The following CA10 variants were observed in gnomAD, a reference collection of about 807,000 sequenced individuals.
The protein encoded by CA10 is carbonic anhydrase-related protein 10.
Under a neutral mutation model 44.2 loss-of-function variants are expected in CA10, and 14 were observed. That is an observed-to-expected ratio of 0.32 (90% CI 0.21 to 0.50). CA10 has a LOEUF of 0.50. CA10 is among the 20% of genes least tolerant of loss of function. CA10 has a pLI of 0.99. For synonymous variants in CA10, 159 were observed against 141.6 expected, an observed-to-expected ratio of 1.12 and a Z score of -0.87; for missense variants, 350 against 409.7, an observed-to-expected ratio of 0.85 and a Z score of 1.26.
intron 4 of CA10, among the ~76,000 whole-genome samples, chr17:51,689,789 A>G (rs1349672752): frequency 6.6e-6 from 1 of 151,974 alleles, no homozygotes; most frequent in African/African-American, 2.4e-5. Flanking sequence ...AAATTTATTT[A>G]TATTTTTAAC....
chr17:51,887,288 G>A (rs1318627836), intron 3 of CA10, among the ~76,000 whole-genome samples: 3 of 152,088 alleles, frequency 2.0e-5, no homozygotes, highest in Non-Finnish European at 1.5e-5. Flanking sequence ...GAATAGACAC[G>A]CAGAAAGAAG....
chr17:51,726,979 G>A (rs1916545957), intron 4 of CA10, among the ~76,000 whole-genome samples: 1 of 152,216 alleles, frequency 6.6e-6, no homozygotes, highest in Non-Finnish European at 1.5e-5. Flanking sequence ...TTCCCTGTTT[G>A]TTGTAGGCAG....
chr17:51,870,558 A>C (rs1400006629), intron 3 of CA10, among the ~76,000 whole-genome samples: 2 of 152,258 alleles, frequency 1.3e-5, no homozygotes, highest in African/African-American at 4.8e-5. Flanking sequence ...CTGTTCTTTC[A>C]GGCATGGAAT....
intron 4 of CA10, among the ~76,000 whole-genome samples, chr17:51,668,455 C>T (rs1250751547): frequency 1.3e-5 from 2 of 152,212 alleles, no homozygotes; most frequent in Non-Finnish European, 2.9e-5. Flanking sequence ...GTCTTTCAGA[C>T]AGGAGGAGCT....
intron 3 of CA10, among the ~76,000 whole-genome samples, chr17:51,915,238 A>G (rs889331291): frequency 2.0e-5 from 3 of 152,196 alleles, no homozygotes; most frequent in African/African-American, 7.2e-5. Context: ...TACACCATCC[A>G]CGTAGGAAAT....
At chr17:52,107,494 C>T (rs1348339902) in intron 1 of CA10, among the ~76,000 whole-genome samples, 1 of 152,084 alleles carries the variant, frequency 6.6e-6, no homozygotes, top group African/African-American at 2.4e-5. Context: ...ATACTTGTAG[C>T]TGAAACTATT....
intron 3 of CA10, among the ~76,000 whole-genome samples, chr17:51,815,968 A>T (rs2143750093): frequency 6.6e-6 from 1 of 152,304 alleles, no homozygotes; most frequent in South Asian, 2.1e-4. Flanking sequence ...GTATACAATT[A>T]AATTTTTATT....
intron 3 of CA10, among the ~76,000 whole-genome samples, chr17:51,809,105 T>A (rs1598055645): frequency 6.7e-6 from 1 of 150,164 alleles, no homozygotes; most frequent in South Asian, 2.1e-4. Context: ...AAAAAAAAAA[T>A]ACAATGATGC....
intron 3 of CA10, among the ~76,000 whole-genome samples, chr17:51,824,807 T>C (rs1018817394): frequency 6.6e-6 from 1 of 152,256 alleles, no homozygotes; most frequent in African/African-American, 2.4e-5. Context: ...TTTATCTATA[T>C]TCTTAAACTA....
At chr17:52,057,187 A>T (rs1289265012) in intron 2 of CA10, among the ~76,000 whole-genome samples, 1 of 152,090 alleles carries the variant, frequency 6.6e-6, no homozygotes, top group Non-Finnish European at 1.5e-5. Flanking sequence ...ATGGGGTGTG[A>T]GCTACGTAGG....
chr17:51,855,582 C>A (rs953778199), intron 3 of CA10, among the ~76,000 whole-genome samples: 1 of 152,168 alleles, frequency 6.6e-6, no homozygotes, highest in African/African-American at 2.4e-5. Flanking sequence ...TCTTGAGGAG[C>A]ACAGTGCCTG....
intron 3 of CA10, among the ~76,000 whole-genome samples, chr17:51,758,644 A>T (rs1905137784): frequency 6.6e-6 from 1 of 152,214 alleles, no homozygotes; most frequent in Admixed American, 6.5e-5. Context: ...CAATCCTGGT[A>T]TGTAGGTTTC....
chr17:51,898,397 A>C (rs1040923549), intron 3 of CA10, among the ~76,000 whole-genome samples: 2 of 152,088 alleles, frequency 1.3e-5, no homozygotes, highest in East Asian at 3.9e-4. Context: ...CCCAGGGGTA[A>C]AACCTACTTT....
At chr17:51,729,887 C>T (rs1323138923) in intron 4 of CA10, among the ~76,000 whole-genome samples, 1 of 152,226 alleles carries the variant, frequency 6.6e-6, no homozygotes, top group East Asian at 1.9e-4. Flanking sequence ...ATAGGAATCT[C>T]TCCTAAATGG....
chr17:51,761,232 C>T (rs1324785489), intron 3 of CA10: 1 of 152,162 alleles, frequency 6.6e-6, no homozygotes, highest in East Asian at 1.9e-4. Context: ...ACAGATAGCC[C>T]TCTATCTGTT....
intron 3 of CA10, among the ~76,000 whole-genome samples, chr17:51,798,450 C>T (rs55802618): frequency 0.19 from 28,459 of 152,162 alleles, 3,143 homozygotes; most frequent in Middle Eastern, 0.34. Flanking sequence ...TTACAATATC[C>T]CTAATAAGAG....
intron 2 of CA10, among the ~76,000 whole-genome samples, chr17:51,995,268 C>T (rs571973393): frequency 1.3e-5 from 2 of 152,000 alleles, no homozygotes; most frequent in South Asian, 4.2e-4. Context: ...AAACCCAACA[C>T]CCAGCATTTG....
chr17:51,742,175 G>A (rs1833769112), intron 4 of CA10, among the ~76,000 whole-genome samples: 1 of 152,156 alleles, frequency 6.6e-6, no homozygotes, highest in South Asian at 2.1e-4. Flanking sequence ...GAACTGTGGT[G>A]GATGGGGGAA....
chr17:51,862,051 A>G (rs1979335047), intron 3 of CA10, among the ~76,000 whole-genome samples: 1 of 152,210 alleles, frequency 6.6e-6, no homozygotes, highest in African/African-American at 2.4e-5. Flanking sequence ...TTACAGATAG[A>G]ACCAGATACA....
Sources: gnomAD v4.1 joint callset for allele counts (sites outside exome capture counted in the v4.1 genomes callset) on GRCh38, gnomAD v4.1.1 for gene constraint, MANE v1.5 for transcripts, NCBI Gene and HGNC (gene_info 2026-07-23, HGNC 2026-07-21) for gene names.